HHIP: variants seen among roughly 807,000 people sequenced by gnomAD.
HHIP encodes hedgehog interacting protein.
HHIP carries 12 observed loss-of-function variants against 74.0 expected under a neutral mutation model. The observed-to-expected ratio is 0.16, with a 90% CI of 0.10 to 0.26. The LOEUF (loss-of-function observed/expected upper bound fraction) is 0.26. Ranked by LOEUF, HHIP falls within the 10% of genes least tolerant of loss-of-function variation. The pLI is 1.00. For missense variants in HHIP, 788 were observed against 845.0 expected (o/e 0.93, Z 0.84); for synonymous variants, 309 against 311.6 (o/e 0.99, Z 0.09).
chr4:144,660,517 T>G (rs1728683522), intron 4 of HHIP, among the ~76,000 whole-genome samples: 1 of 152,078 alleles, frequency 6.6e-6, no homozygotes, highest in African/African-American at 2.4e-5. Context: ...AGCTCATGCC[T>G]ATTTTAGAAT....
At chr4:144,664,575 G>C (rs1210193215) in intron 4 of HHIP, among the ~76,000 whole-genome samples, 1 of 152,106 alleles carries the variant, frequency 6.6e-6, no homozygotes, top group Non-Finnish European at 1.5e-5. Context: ...AGCAGATTGA[G>C]AAGCAATTTA....
chr4:144,654,864 T>C (rs1728518738), intron 2 of HHIP: 1 of 152,224 alleles, frequency 6.6e-6, no homozygotes, highest in South Asian at 2.1e-4. Context: ...CAACATATTT[T>C]GACTATCCTC....
At chr4:144,686,225 A>G (rs1414160722) in intron 4 of HHIP, among the ~76,000 whole-genome samples, 1 of 152,192 alleles carries the variant, frequency 6.6e-6, no homozygotes, top group East Asian at 1.9e-4. Context: ...AGTGGCCATA[A>G]TATAATTAAG....
chr4:144,646,737 G>C lies in HHIP; in HGVS notation c.62G>C (p.Gly21Ala). 1 of 1,614,190 alleles carries C rather than the reference G, an allele frequency of 6.2e-7. No individual in the cohort carries two copies. The highest frequency in any genetic ancestry group is 8.5e-7 in the Non-Finnish European group (1 of 1,180,036). ...LLAVALGFFEGDAKFGERNEG... is the reference protein window; with the variant it reads ...LLAVALGFFEADAKFGERNEG... ...GCCGTGGCTCTGGGCTTCTTTGAAGGAGATGCTAAGTTTGGGGAAAGAAAC... is the reference window on the plus strand; with the variant it reads ...GCCGTGGCTCTGGGCTTCTTTGAAGCAGATGCTAAGTTTGGGGAAAGAAAC... The change falls in exon 1 of 13, where the codon GGA becomes GCA. Residue 21 changes from glycine (G) to alanine (A), a missense_variant. By Grantham distance (60) the Gly-to-Ala change is moderately conservative. Around this residue, in one of 3 missense-constraint regions of HHIP, gnomAD observed 373 missense variants for 366.4 expected, o/e 1.02. Coordinates refer to ENST00000296575, the MANE Select transcript of HHIP (RefSeq NM_022475.3).
chr4:144,729,734 G>A (rs935892974), intron 11 of HHIP, among the ~76,000 whole-genome samples: 6 of 152,118 alleles, frequency 3.9e-5, no homozygotes, highest in African/African-American at 1.4e-4. Flanking sequence ...CAGCTCTTAT[G>A]TTACCTTCCA....
intron 4 of HHIP, among the ~76,000 whole-genome samples, chr4:144,684,432 T>A (rs1029908226): frequency 6.6e-6 from 1 of 150,578 alleles, no homozygotes; most frequent in Non-Finnish European, 1.5e-5. Flanking sequence ...CTATTTTTTT[T>A]ATTTTTATTT....
At position 144,744,055 on chromosome 4, in the gene HHIP, C is replaced by T. The variant is rs1436528318; in HGVS notation, c.*6098C>T. 6.6e-6 allele frequency: 1 copy of T among 151,956 alleles called. No homozygotes were observed. The highest frequency in any genetic ancestry group is 1.5e-5 in the Non-Finnish European group (1 of 67,942). The allele number at this position is 151,956 out of a possible 1,614,324, so 9.4% of individuals were successfully genotyped here. Reference sequence around the variant, plus strand: ...TACCTTATGAGAGATCAGATATTTCCCTTATCTCATTATATTCACAGCATA... The same window carrying T: ...TACCTTATGAGAGATCAGATATTTCTCTTATCTCATTATATTCACAGCATA... On this transcript the variant is annotated 3_prime_UTR_variant, in exon 13 of 13. Coordinates refer to ENST00000296575, the MANE Select transcript of HHIP (RefSeq NM_022475.3).
At chr4:144,651,891 A>T (rs1417105527) in intron 1 of HHIP, among the ~76,000 whole-genome samples, 3 of 152,060 alleles carry the variant, frequency 2.0e-5, no homozygotes, top group Non-Finnish European at 2.9e-5. Context: ...CATATTATTC[A>T]AAAGCACTTC....
chr4:144,707,238 A>G lies in HHIP; in HGVS notation c.1135A>G (p.Met379Val). ...LGDGMITLDD[M>V]EEMDGLSDFT... is the part of the protein sequence containing the mutation. ...TGATGGGATGATTACACTGGATGAT[A>G]TGGAAGAAATGGATGGGTTAAGGTA... The change falls in exon 6 of 13, where the codon ATG (methionine) becomes GTG (valine). Residue 379 changes from methionine (M) to valine (V), a missense_variant. Transcript: ENST00000296575. 6.2e-7 allele frequency: 1 copy of G among 1,611,908 alleles called. No individual in the cohort carries two copies. Among genetic ancestry groups the G allele is most frequent in the Non-Finnish European group, 8.5e-7 (1 of 1,179,096 alleles).
At chr4:144,672,691 T>A (rs1729071529) in intron 4 of HHIP, among the ~76,000 whole-genome samples, 1 of 152,086 alleles carries the variant, frequency 6.6e-6, no homozygotes, top group African/African-American at 2.4e-5. Context: ...TTGTATTATT[T>A]TTTTAATTTT....
chr4:144,691,744 C>T (rs1449897828), intron 4 of HHIP, among the ~76,000 whole-genome samples: 3 of 151,930 alleles, frequency 2.0e-5, no homozygotes, highest in Non-Finnish European at 4.4e-5. Context: ...AGCTTTACTT[C>T]AAAAGCTGCA....
At chr4:144,729,612 T>C (rs1730894088) in intron 11 of HHIP, among the ~76,000 whole-genome samples, 1 of 152,204 alleles carries the variant, frequency 6.6e-6, no homozygotes, top group African/African-American at 2.4e-5. Flanking sequence ...CAATTTTTCC[T>C]AACTCATGAG....
chr4:144,707,464 G>A lies in HHIP; in HGVS notation c.1157+204G>A, dbSNP rs548853832. ...TGATCTTTTGTTTGTCATGAAAAGA[G>A]TTACTGTTGTGTAGTTCTCTGTTCC... is the stretch of plus-strand genomic sequence containing the variant. On this transcript the variant is annotated intron_variant, in intron 6 of 12. Transcript: ENST00000296575. 2.3e-3 allele frequency among the ~76,000 whole-genome samples: 347 copies of A among 152,122 alleles called. 4 individuals are homozygous for A. The highest frequency in any genetic ancestry group is 7.9e-3 in the African/African-American group (327 of 41,526).
At chr4:144,723,951 T>C (rs913040793) in intron 11 of HHIP, among the ~76,000 whole-genome samples, 8 of 152,240 alleles carry the variant, frequency 5.3e-5, no homozygotes, top group African/African-American at 1.7e-4. Flanking sequence ...TCTGCCTGAC[T>C]ATATTTTATT....
At chr4:144,672,942 C>G (rs1411936240) in intron 4 of HHIP, among the ~76,000 whole-genome samples, 1 of 152,208 alleles carries the variant, frequency 6.6e-6, no homozygotes, top group African/African-American at 2.4e-5. Context: ...GGTGATTCGC[C>G]CGCCTCAGCC....
intron 10 of HHIP, among the ~76,000 whole-genome samples, chr4:144,717,607 A>G (rs1337677186): frequency 6.6e-6 from 1 of 152,324 alleles, no homozygotes; most frequent in East Asian, 1.9e-4. Context: ...ACATAGAATT[A>G]TATGGAAGTA....
chr4:144,649,353 T>C (rs1728357523), intron 1 of HHIP, among the ~76,000 whole-genome samples: 1 of 152,290 alleles, frequency 6.6e-6, no homozygotes, highest in East Asian at 1.9e-4. Flanking sequence ...GGTAGGAATA[T>C]TAGCATGCTC....
intron 2 of HHIP, among the ~76,000 whole-genome samples, chr4:144,655,948 T>C (rs533776160): frequency 6.6e-6 from 1 of 152,072 alleles, no homozygotes; most frequent in Non-Finnish European, 1.5e-5. Flanking sequence ...AGATCCAAGA[T>C]AGTTGATAAA....
intron 4 of HHIP, among the ~76,000 whole-genome samples, chr4:144,701,380 T>G: frequency 6.6e-6 from 1 of 151,626 alleles, no homozygotes; most frequent in South Asian, 2.1e-4. Flanking sequence ...AATATATAAA[T>G]TAATCTTTGT....
Sources: gnomAD v4.1 joint callset for allele counts (sites outside exome capture counted in the v4.1 genomes callset) on GRCh38, gnomAD v4.1.1 for gene constraint, gnomAD v4.1.1 regional missense constraint, MANE v1.5 for transcripts, NCBI Gene and HGNC (gene_info 2026-07-23, HGNC 2026-07-21) for gene names.